CERS6: variants seen among roughly 807,000 people sequenced by gnomAD.
CERS6 encodes the protein LAG1 homolog, ceramide synthase 6.
A neutral mutation model predicts 56.8 loss-of-function variants in CERS6; 26 were observed. The ratio of observed to expected loss-of-function variants is 0.46; its 90% CI spans 0.34 to 0.63. The LOEUF (loss-of-function observed/expected upper bound fraction) is 0.63, where lower values mean the gene tolerates loss of function less well. CERS6 is among the 30% of genes least tolerant of loss of function. The probability of loss-of-function intolerance (pLI) is 0.01; values close to 1 mark genes in which losing one functional copy is unlikely to be tolerated. For missense variants in CERS6, 415 were observed against 467.5 expected (o/e 0.89, Z 1.04); for synonymous variants, 164 against 173.3 (o/e 0.95, Z 0.42).
intron 1 of CERS6, among the ~76,000 whole-genome samples, chr2:168,529,533 G>T (rs1695129578): frequency 6.6e-6 from 1 of 152,140 alleles, no homozygotes; most frequent in African/African-American, 2.4e-5. Flanking sequence ...GGCACCAATG[G>T]ATAATCCCTT....
At position 168,765,760 on chromosome 2, in the gene CERS6, C is replaced by T. The variant is rs780826771; in HGVS notation, c.1002+12C>T. On this transcript the variant is annotated intron_variant, in intron 9 of 9. Coordinates refer to ENST00000305747, the MANE Select transcript of CERS6 (RefSeq NM_203463.3). Reference sequence around the variant, plus strand: ...TTTCAAGAGGCAAGGTAAGCTACAACTCACTTTTTCCAATATGTCTTAAAA... The same window carrying T: ...TTTCAAGAGGCAAGGTAAGCTACAATTCACTTTTTCCAATATGTCTTAAAA... The T allele has an allele frequency of 2.5e-6, 4 of 1,601,774 alleles. No individual in the cohort carries two copies. The Admixed American group carries it at 6.9e-5, about 28-fold the overall frequency.
chr2:168,561,409 C>T (rs1695786881), intron 3 of CERS6, 87 bp downstream of exon 3: 2 of 1,446,498 alleles, frequency 1.4e-6, no homozygotes, highest in East Asian at 2.3e-5. Context: ...GTGCAGGCTT[C>T]AGCAGCCCTT....
chr2:168,519,458 A>G (rs919464591), intron 1 of CERS6, among the ~76,000 whole-genome samples: 1 of 152,042 alleles, frequency 6.6e-6, no homozygotes, highest in Non-Finnish European at 1.5e-5. Flanking sequence ...TTGGGTTTCT[A>G]ATGATCTGTC....
At chr2:168,502,624 G>A (rs1377061328) in intron 1 of CERS6, among the ~76,000 whole-genome samples, 1 of 152,150 alleles carries the variant, frequency 6.6e-6, no homozygotes, top group Admixed American at 6.5e-5. Context: ...ACTGTCCAGA[G>A]GAACTTAAAA....
At position 168,608,930 on chromosome 2, in the gene CERS6, A is replaced by G. The variant is rs993032110; in HGVS notation, c.408-22055A>G. Reference sequence around the variant, plus strand: ...TTGATTATTTTATTCCAAAGCTGAGATTTGTAGGAGTTTGTGGAACTCCTC... The same window carrying G: ...TTGATTATTTTATTCCAAAGCTGAGGTTTGTAGGAGTTTGTGGAACTCCTC... On this transcript the variant is annotated intron_variant, in intron 3 of 9. Coordinates refer to ENST00000305747, the MANE Select transcript of CERS6 (RefSeq NM_203463.3). Among the ~76,000 whole-genome samples, 7 of 152,310 alleles carry G rather than the reference A, an allele frequency of 4.6e-5. 1 individual carries two copies. Among genetic ancestry groups the G allele is most frequent in the African/African-American group, 1.7e-4 (7 of 41,580 alleles).
At chr2:168,488,871 A>G (rs780897359) in intron 1 of CERS6, among the ~76,000 whole-genome samples, 1 of 152,174 alleles carries the variant, frequency 6.6e-6, no homozygotes, top group Non-Finnish European at 1.5e-5. Flanking sequence ...GGTTATAATC[A>G]TGATGTATAT....
chr2:168,672,871 A>G (rs1020152057), intron 4 of CERS6, among the ~76,000 whole-genome samples: 10 of 152,246 alleles, frequency 6.6e-5, no homozygotes, highest in African/African-American at 1.9e-4. Context: ...ACAGCAAAAC[A>G]AGCTTGATTA....
At chr2:168,621,618 C>G (rs1684472987) in intron 3 of CERS6, among the ~76,000 whole-genome samples, 1 of 152,106 alleles carries the variant, frequency 6.6e-6, no homozygotes, top group Non-Finnish European at 1.5e-5. Flanking sequence ...GGGACAGATA[C>G]CATTGGTGCT....
chr2:168,644,469 T>G (rs2105309260), intron 4 of CERS6: 1 of 511,418 alleles, frequency 2.0e-6, no homozygotes, highest in Admixed American at 6.4e-5. Flanking sequence ...CATAAAGAAA[T>G]GACAGATGAT....
intron 8 of CERS6, among the ~76,000 whole-genome samples, chr2:168,735,954 C>T (rs1394265865): frequency 2.6e-5 from 4 of 151,318 alleles, no homozygotes; most frequent in African/African-American, 7.3e-5. Context: ...ACCTGTAATC[C>T]CAGCACTTTG....
intron 3 of CERS6, among the ~76,000 whole-genome samples, chr2:168,627,928 G>C (rs76343972): frequency 6.6e-6 from 1 of 151,808 alleles, no homozygotes; most frequent in South Asian, 2.1e-4. Context: ...GTATGTATCT[G>C]TGTTCCTCCC....
At chr2:168,537,262 A>C (rs1304897615) in intron 1 of CERS6, among the ~76,000 whole-genome samples, 1 of 152,212 alleles carries the variant, frequency 6.6e-6, no homozygotes, top group Non-Finnish European at 1.5e-5. Context: ...GTGACTCATT[A>C]AGCTATTTAC....
At chr2:168,671,240 C>T (rs936820853) in intron 4 of CERS6, among the ~76,000 whole-genome samples, 1 of 152,058 alleles carries the variant, frequency 6.6e-6, no homozygotes, top group African/African-American at 2.4e-5. Flanking sequence ...GCTAGGATTA[C>T]AGACATGAGC....
intron 2 of CERS6, among the ~76,000 whole-genome samples, chr2:168,550,873 C>T (rs554113105): frequency 6.6e-6 from 1 of 152,308 alleles, no homozygotes; most frequent in East Asian, 1.9e-4. Flanking sequence ...GCACTCGGCC[C>T]TCCACTGGGG....
chr2:168,573,485 A>G (rs1344379929), intron 3 of CERS6, among the ~76,000 whole-genome samples: 1 of 152,136 alleles, frequency 6.6e-6, no homozygotes, highest in Non-Finnish European at 1.5e-5. Flanking sequence ...AATTTATATT[A>G]TTTTTATTTT....
In CERS6 at chr2:168,670,956, G is replaced by A. The variant is rs571232718; in HGVS notation, c.466-20078G>A. ...GCTGCCTGGCACAGAGCAGGTGCTGGATACATGCTTCCCCCCCCCCCCCCA... is the reference window on the plus strand; with the variant it reads ...GCTGCCTGGCACAGAGCAGGTGCTGAATACATGCTTCCCCCCCCCCCCCCA... On this transcript the variant is annotated intron_variant, in intron 4 of 9. Transcript: ENST00000305747. Among the ~76,000 whole-genome samples the A allele has an allele frequency of 3.7e-3, 403 of 108,258 alleles. 1 individual carries two copies. The highest frequency in any genetic ancestry group is 6.3e-3 in the Admixed American group (48 of 7,662). The allele number at this position is 108,258 out of a possible 152,430, so 71.0% of individuals were successfully genotyped here.
intron 3 of CERS6, among the ~76,000 whole-genome samples, chr2:168,579,012 A>G (rs1042984363): frequency 2.6e-5 from 4 of 152,188 alleles, no homozygotes; most frequent in Non-Finnish European, 4.4e-5. Flanking sequence ...AATATAATAA[A>G]GGTTTAATCT....
intron 6 of CERS6, among the ~76,000 whole-genome samples, chr2:168,696,040 A>G (rs1468495633): frequency 6.6e-6 from 1 of 152,218 alleles, no homozygotes; most frequent in Non-Finnish European, 1.5e-5. Context: ...AGCATAATGC[A>G]AACATTCCGA....
intron 1 of CERS6, among the ~76,000 whole-genome samples, chr2:168,529,841 G>A (rs908458246): frequency 3.3e-5 from 5 of 152,136 alleles, no homozygotes; most frequent in Non-Finnish European, 5.9e-5. Context: ...AAATATAATG[G>A]AATTAAAGGA....
Sources: gnomAD v4.1 joint callset for allele counts (sites outside exome capture counted in the v4.1 genomes callset) on GRCh38, gnomAD v4.1.1 for gene constraint, MANE v1.5 for transcripts, NCBI Gene and HGNC (gene_info 2026-07-23, HGNC 2026-07-21) for gene names.